The following PABPC4L variants were observed in gnomAD, a reference collection of about 807,000 sequenced individuals.
PABPC4L encodes poly(A) binding protein cytoplasmic 4 like, also known as polyadenylate-binding protein 4-like.
For synonymous variants in PABPC4L, 169 were observed against 164.1 expected (o/e 1.03, Z -0.23); for missense variants, 452 against 451.4 (o/e 1.00, Z -0.01).
the PABPC4L span, among the ~76,000 whole-genome samples, chr4:133,973,445 A>G: frequency 2.6e-5 from 4 of 152,192 alleles, no homozygotes; most frequent in South Asian, 2.1e-4. Flanking sequence ...TTGAAGGAAG[A>G]CTTATCCAAT....
the PABPC4L span, among the ~76,000 whole-genome samples, chr4:134,051,203 A>G: frequency 6.6e-6 from 1 of 152,172 alleles, no homozygotes; most frequent in Admixed American, 6.5e-5. Context: ...CTCAGTGACA[A>G]GGTGAAAAGT....
downstream of PABPC4L, chr4:134,196,230 A>G (rs972195919): frequency 6.6e-6 from 1 of 151,570 alleles, no homozygotes; most frequent in Non-Finnish European, 1.5e-5. Flanking sequence ...AAATACAAGT[A>G]TTTCACTAAA....
Position 134,196,726 on chromosome 4 carries a change from G to A in PABPC4L, c.*3181C>T, listed in dbSNP as rs1271341267. The A allele has an allele frequency of 1.3e-5, 2 of 151,048 alleles. No homozygotes were observed. The highest frequency in any genetic ancestry group is 4.9e-5 in the African/African-American group (2 of 41,214). 9.4% of individuals were successfully genotyped at this position (151,048 alleles called of 1,614,324 possible). ...TCTCTATTTTCAACTAAGATAACTT[G>A]CTATTATCACGCACCAAAAAAAATT... On this transcript the variant is annotated 3_prime_UTR_variant, in exon 2 of 2. Transcript: ENST00000421491.
At chr4:133,991,862 T>C in the PABPC4L span, among the ~76,000 whole-genome samples, 1 of 152,212 alleles carries the variant, frequency 6.6e-6, no homozygotes, top group Non-Finnish European at 1.5e-5. Flanking sequence ...AGCCTCTCCT[T>C]GCACTCAGGT....
the PABPC4L span, among the ~76,000 whole-genome samples, chr4:134,162,730 C>T: frequency 2.0e-5 from 3 of 152,036 alleles, no homozygotes; most frequent in Non-Finnish European, 4.4e-5. Flanking sequence ...TATAGAAATA[C>T]ATGGAAATTA....
At chr4:134,095,416 A>G in the PABPC4L span, among the ~76,000 whole-genome samples, 1 of 152,034 alleles carries the variant, frequency 6.6e-6, no homozygotes, top group African/African-American at 2.4e-5. Context: ...GTATGTATGT[A>G]TGCATTTATT....
At chr4:134,014,703 T>A in the PABPC4L span, among the ~76,000 whole-genome samples, 1 of 151,952 alleles carries the variant, frequency 6.6e-6, no homozygotes, top group African/African-American at 2.4e-5. Flanking sequence ...GCCGAGCTTT[T>A]GGTAACTCTC....
the PABPC4L span, among the ~76,000 whole-genome samples, chr4:134,083,347 A>G: frequency 1.3e-5 from 2 of 152,138 alleles, no homozygotes; most frequent in African/African-American, 4.8e-5. Flanking sequence ...GGATTGGATT[A>G]TATTTTAAAC....
the PABPC4L span, among the ~76,000 whole-genome samples, chr4:133,952,422 G>C: frequency 6.6e-6 from 1 of 152,130 alleles, no homozygotes; most frequent in African/African-American, 2.4e-5. Context: ...AGGATGGTGA[G>C]TTTGGACACT....
chr4:134,138,988 C>T, the PABPC4L span, among the ~76,000 whole-genome samples: 1 of 151,756 alleles, frequency 6.6e-6, no homozygotes, highest in Non-Finnish European at 1.5e-5. Context: ...TAATGTATGG[C>T]AAACTATATG....
At chr4:134,184,020 A>G in the PABPC4L span, among the ~76,000 whole-genome samples, 1 of 151,840 alleles carries the variant, frequency 6.6e-6, no homozygotes, top group Non-Finnish European at 1.5e-5. Flanking sequence ...CATAGGGCCA[A>G]GAATAATCAA....
the PABPC4L span, among the ~76,000 whole-genome samples, chr4:134,032,006 CATA>C: frequency 1.3e-5 from 2 of 151,740 alleles, no homozygotes; most frequent in African/African-American, 2.4e-5. Context: ...AATGTTTATT[CATA>C]ATATCTTATA....
At chr4:134,113,001 A>C in the PABPC4L span, among the ~76,000 whole-genome samples, 1 of 151,848 alleles carries the variant, frequency 6.6e-6, no homozygotes, top group Admixed American at 6.6e-5. Context: ...TGTGTGTTTT[A>C]GTTTTTAACA....
chr4:133,976,205 T>G, the PABPC4L span, among the ~76,000 whole-genome samples: 3 of 152,260 alleles, frequency 2.0e-5, no homozygotes, highest in East Asian at 5.8e-4. Flanking sequence ...GAATATGTGG[T>G]GTTCGGTTTT....
the PABPC4L span, among the ~76,000 whole-genome samples, chr4:134,097,542 T>C: frequency 6.6e-6 from 1 of 151,820 alleles, no homozygotes; most frequent in Non-Finnish European, 1.5e-5. Context: ...TGGATTCTAG[T>C]TCTGGAACCA....
chr4:133,980,792 C>T, the PABPC4L span, among the ~76,000 whole-genome samples: 1 of 152,156 alleles, frequency 6.6e-6, no homozygotes, highest in Non-Finnish European at 1.5e-5. Context: ...AGAAATGTAG[C>T]TAGCCTCGAA....
chr4:133,993,551 G>T, the PABPC4L span, among the ~76,000 whole-genome samples: 1 of 152,176 alleles, frequency 6.6e-6, no homozygotes. Context: ...AGGGACATGA[G>T]TAACATCTGT....
At chr4:133,986,020 C>T in the PABPC4L span, among the ~76,000 whole-genome samples, 2 of 151,996 alleles carry the variant, frequency 1.3e-5, no homozygotes, top group Admixed American at 6.6e-5. Flanking sequence ...ATCGAGAATA[C>T]TCAAGGGAGA....
At chr4:134,046,214 G>A in the PABPC4L span, among the ~76,000 whole-genome samples, 1 of 152,070 alleles carries the variant, frequency 6.6e-6, no homozygotes, top group Non-Finnish European at 1.5e-5. Flanking sequence ...CAGGAGGACA[G>A]GGTGATAGTT....
Sources: gnomAD v4.1 joint callset for allele counts (sites outside exome capture counted in the v4.1 genomes callset) on GRCh38, gnomAD v4.1.1 for gene constraint, MANE v1.5 for transcripts, NCBI Gene and HGNC (gene_info 2026-07-23, HGNC 2026-07-21) for gene names.